Variants in ADAMTSL1 observed in about 807,000 individuals in gnomAD.
ADAMTSL1 encodes the protein ADAMTS-like protein 1.
A neutral mutation model predicts 201.8 loss-of-function variants in ADAMTSL1; 126 were observed. The ratio of observed to expected loss-of-function variants is 0.62; its 90% CI spans 0.54 to 0.72. The LOEUF (loss-of-function observed/expected upper bound fraction) is 0.72. ADAMTSL1 is among the 30% of genes least tolerant of loss of function. ADAMTSL1 has a pLI of 0.00. For missense variants in ADAMTSL1, 2,679 were observed against 2,277.8 expected (o/e 1.18, Z -3.59); for synonymous variants, 1,121 against 903.4 (o/e 1.24, Z -4.32).
chr9:18,534,385 G>C (rs1004322855), intron 3 of ADAMTSL1, among the ~76,000 whole-genome samples: 1 of 152,066 alleles, frequency 6.6e-6, no homozygotes, highest in Admixed American at 6.6e-5. Flanking sequence ...AGAAGAAGAA[G>C]GAGGAGAACT....
intron 3 of ADAMTSL1, among the ~76,000 whole-genome samples, chr9:18,567,295 T>A (rs1365501211): frequency 1.3e-5 from 2 of 151,984 alleles, no homozygotes; most frequent in African/African-American, 4.8e-5. Flanking sequence ...TAAAACCCTG[T>A]CTCTACTAAA....
chr9:18,470,132 A>G (rs1177140930), upstream of ADAMTSL1, among the ~76,000 whole-genome samples: 1 of 152,148 alleles, frequency 6.6e-6, no homozygotes, highest in Non-Finnish European at 1.5e-5. Context: ...TAGAGCCCCA[A>G]ATTTCCTGCC....
chr9:18,842,294 T>A (rs1444873007), intron 23 of ADAMTSL1, among the ~76,000 whole-genome samples: 7 of 152,326 alleles, frequency 4.6e-5, no homozygotes, highest in Non-Finnish European at 1.5e-5. Flanking sequence ...TTTCGTTATG[T>A]ACCCAGTAGT....
At chr9:18,856,926 C>T (rs1249228199) in intron 23 of ADAMTSL1, among the ~76,000 whole-genome samples, 1 of 152,178 alleles carries the variant, frequency 6.6e-6, no homozygotes, top group Non-Finnish European at 1.5e-5. Context: ...TGTCATGCAA[C>T]ACATTCAAAG....
chr9:18,663,553 A>G (rs1379252854), intron 9 of ADAMTSL1, among the ~76,000 whole-genome samples: 2 of 152,122 alleles, frequency 1.3e-5, no homozygotes, highest in African/African-American at 4.8e-5. Context: ...TAACTGTAAT[A>G]GGAAGACCAG....
At chr9:18,631,046 C>A (rs10963684) in intron 5 of ADAMTSL1, among the ~76,000 whole-genome samples, 1 of 152,212 alleles carries the variant, frequency 6.6e-6, no homozygotes, top group East Asian at 1.9e-4. Flanking sequence ...TCAGGATTAT[C>A]GCCTGAGTGA....
intron 1 of ADAMTSL1, among the ~76,000 whole-genome samples, chr9:18,095,476 G>A (rs1341317113): frequency 1.4e-5 from 2 of 138,630 alleles, no homozygotes; most frequent in Admixed American, 8.0e-5. Flanking sequence ...AGGCCAGAGT[G>A]CAGTGGCACG....
At position 18,046,891 on chromosome 9, in the gene ADAMTSL1, G is replaced by GATA. The variant is rs1270292843; in HGVS notation, c.88-116970_88-116969insTAA. Among the ~76,000 whole-genome samples the GATA allele has an allele frequency of 8.7e-4, 132 of 152,182 alleles. 1 individual carries two copies. The highest frequency in any genetic ancestry group is 3.0e-3 in the African/African-American group (123 of 41,556). On this transcript the variant is annotated intron_variant, in intron 1 of 29. Coordinates refer to the ADAMTSL1 transcript ENST00000680146. ...AGTTCTCTGATTCCTGGAGGTCTCT[G>GATA]AAGTCCAAGATAAAGAGACTGAATT...
chr9:18,797,873 A>G (rs1822531444), intron 20 of ADAMTSL1, among the ~76,000 whole-genome samples: 1 of 152,312 alleles, frequency 6.6e-6, no homozygotes, highest in South Asian at 2.1e-4. Context: ...CTAGAGTGAA[A>G]CAACCTGAAA....
Position 18,643,137 on chromosome 9 carries a change from G to A in ADAMTSL1, c.834+3726G>A, listed in dbSNP as rs541107160. Among the ~76,000 whole-genome samples, 8 of 152,030 alleles carry A rather than the reference G, an allele frequency of 5.3e-5. No individual in the cohort carries two copies. The East Asian group carries it at 1.5e-3, about 29-fold the overall frequency. ...ACAGCAATTCTATAAGGTGTAAGGT[G>A]ATATTATAGTACTGAATGCCTTTCC... On this transcript the variant is annotated intron_variant, in intron 7 of 28. Transcript: ENST00000380548.
intron 5 of ADAMTSL1, among the ~76,000 whole-genome samples, chr9:18,633,638 CT>C (rs58807960): frequency 0.02 from 2,493 of 123,762 alleles, 38 homozygotes; most frequent in African/African-American, 0.051. Context: ...CTAATCTTAA[CT>C]TTTTTTTTTT....
At chr9:18,171,379 A>G (rs935726188) in intron 2 of ADAMTSL1, among the ~76,000 whole-genome samples, 1 of 152,102 alleles carries the variant, frequency 6.6e-6, no homozygotes, top group Non-Finnish European at 1.5e-5. Flanking sequence ...CTTAACTAGG[A>G]CATAAAAAGC....
At chr9:18,372,518 A>G (rs776923800) in intron 2 of ADAMTSL1, among the ~76,000 whole-genome samples, 6 of 152,200 alleles carry the variant, frequency 3.9e-5, no homozygotes, top group Non-Finnish European at 7.3e-5. Context: ...GGCTTCCCCA[A>G]GGTCTTAATA....
At chr9:18,572,904 C>T (rs549604643) in intron 3 of ADAMTSL1, among the ~76,000 whole-genome samples, 8 of 152,270 alleles carry the variant, frequency 5.3e-5, no homozygotes, top group South Asian at 2.1e-4. Flanking sequence ...GGAGAGTCGA[C>T]GACAGTCTTC....
chr9:18,328,896 GT>G (rs1301144838), intron 2 of ADAMTSL1, among the ~76,000 whole-genome samples: 5 of 152,278 alleles, frequency 3.3e-5, no homozygotes, highest in African/African-American at 1.2e-4. Context: ...TATGCTTTTA[GT>G]CCTTCCTCTA....
chr9:18,733,566 C>A (rs1172859955), intron 15 of ADAMTSL1, among the ~76,000 whole-genome samples: 2 of 152,136 alleles, frequency 1.3e-5, no homozygotes, highest in African/African-American at 2.4e-5. Context: ...CTTTGTTCTG[C>A]CACTGGCTTA....
intron 1 of ADAMTSL1, among the ~76,000 whole-genome samples, chr9:18,087,659 A>T (rs1823825729): frequency 6.6e-6 from 1 of 152,160 alleles, no homozygotes; most frequent in Non-Finnish European, 1.5e-5. Context: ...GTAATTTAAC[A>T]GTGGTTATTT....
intron 2 of ADAMTSL1, among the ~76,000 whole-genome samples, chr9:18,451,411 C>T (rs1820401221): frequency 6.6e-6 from 1 of 152,214 alleles, no homozygotes; most frequent in Admixed American, 6.5e-5. Context: ...TTGAACACAG[C>T]TTTACCTGTC....
At chr9:18,288,538 A>G (rs1425112683) in intron 2 of ADAMTSL1, among the ~76,000 whole-genome samples, 2 of 152,182 alleles carry the variant, frequency 1.3e-5, no homozygotes, top group African/African-American at 4.8e-5. Flanking sequence ...TAGACATATG[A>G]TTTGAGATTC....
Sources: allele counts gnomAD v4.1 joint callset (sites outside exome capture counted in the v4.1 genomes callset), GRCh38; gene constraint gnomAD v4.1.1; transcripts MANE v1.5; gene names NCBI Gene and HGNC (gene_info 2026-07-23, HGNC 2026-07-21).